The following PAPPA2 variants were observed in gnomAD, a reference collection of about 807,000 sequenced individuals.
PAPPA2 encodes the protein pappalysin 2, also known as pappalysin-2.
A neutral mutation model predicts 176.4 loss-of-function variants in PAPPA2; 86 were observed. That is an observed-to-expected ratio of 0.49 (90% CI 0.41 to 0.58). PAPPA2 has a LOEUF of 0.58. Among genes scored for constraint, PAPPA2 ranks in the 20% least tolerant of loss-of-function variants. PAPPA2 has a pLI of 0.00. For synonymous variants in PAPPA2, 809 were observed against 852.2 expected (o/e 0.95, Z 0.88); for missense variants, 2,073 against 2,256.9 (o/e 0.92, Z 1.65).
At chr1:176,791,545 AT>A (rs1425539989) in intron 19 of PAPPA2, 63 bp downstream of exon 19, 10 of 1,529,176 alleles carry the variant, frequency 6.5e-6, no homozygotes, top group East Asian at 4.6e-5. Flanking sequence ...GCACAGCTGA[AT>A]TTTTTTTAAT....
At chr1:176,560,438 G>A (rs1651598117) in intron 2 of PAPPA2, among the ~76,000 whole-genome samples, 1 of 152,190 alleles carries the variant, frequency 6.6e-6, no homozygotes, top group Admixed American at 6.5e-5. Context: ...GTGGTACCTG[G>A]GTCCCTGCAA....
At position 176,510,818 on chromosome 1, in the gene PAPPA2, C is replaced by T. The variant is rs866513611; in HGVS notation, c.-916-44589C>T. Among the ~76,000 whole-genome samples the T allele has an allele frequency of 5.9e-3, 882 of 149,270 alleles. 12 individuals carry two copies. Among genetic ancestry groups the T allele is most frequent in the Middle Eastern group, 0.021 (6 of 290 alleles). ...AAATTTAAAGCAACACATACACACA[C>T]ACACACACACACACACACACACACA... On this transcript the variant is annotated intron_variant, in intron 1 of 22. Coordinates refer to ENST00000367662, the MANE Select transcript of PAPPA2 (RefSeq NM_020318.3).
At chr1:176,538,769 G>T (rs1442175458) in intron 1 of PAPPA2, among the ~76,000 whole-genome samples, 1 of 152,072 alleles carries the variant, frequency 6.6e-6, no homozygotes, top group African/African-American at 2.4e-5. Flanking sequence ...ACAAATTCAA[G>T]CCACCTATAA....
At chr1:176,736,850 T>C (rs1167694258) in intron 12 of PAPPA2, among the ~76,000 whole-genome samples, 2 of 151,708 alleles carry the variant, frequency 1.3e-5, no homozygotes, top group Non-Finnish European at 2.9e-5. Context: ...AGAGATATAT[T>C]CTGTACCAAG....
intron 12 of PAPPA2, among the ~76,000 whole-genome samples, chr1:176,738,642 C>T (rs973218600): frequency 3.3e-5 from 5 of 152,080 alleles, no homozygotes; most frequent in Non-Finnish European, 7.4e-5. Flanking sequence ...AGATTCTGAT[C>T]ATACAACACC....
chr1:176,845,503 G>T lies in PAPPA2; in HGVS notation c.*3049G>T, dbSNP rs1190989876. 1 of 152,186 alleles carries T rather than the reference G, an allele frequency of 6.6e-6. No individual in the cohort carries two copies. The highest frequency in any genetic ancestry group is 2.4e-5 in the African/African-American group (1 of 41,456). The allele number at this position is 152,186 out of a possible 1,614,324, so 9.4% of individuals were successfully genotyped here. ...AGGGGATGGCTTGATTGGGAATGTA[G>T]TGAAAGGAGCTGATCTACTGTATTG... On this transcript the variant is annotated 3_prime_UTR_variant, in exon 23 of 23. Transcript: ENST00000367662.
intron 16 of PAPPA2, 78 bp from the exon 17 acceptor site, chr1:176,770,889 G>A (rs1168081593): frequency 2.1e-6 from 3 of 1,406,976 alleles, no homozygotes; most frequent in African/African-American, 2.9e-5. Flanking sequence ...AAGTTCAGAG[G>A]TTTTTATTTC....
intron 3 of PAPPA2, among the ~76,000 whole-genome samples, chr1:176,628,902 T>C (rs1656185454): frequency 6.6e-6 from 1 of 152,248 alleles, no homozygotes; most frequent in South Asian, 2.1e-4. Flanking sequence ...AGTTCTTTCA[T>C]GTTAAGAGTT....
intron 3 of PAPPA2, among the ~76,000 whole-genome samples, chr1:176,630,575 T>C (rs1389400472): frequency 6.6e-6 from 1 of 152,010 alleles, no homozygotes; most frequent in Admixed American, 6.6e-5. Context: ...AGGGGGGACA[T>C]TGTAGAGGTT....
At chr1:176,674,832 A>C (rs1161406378) in intron 4 of PAPPA2, among the ~76,000 whole-genome samples, 1 of 147,684 alleles carries the variant, frequency 6.8e-6, no homozygotes, top group East Asian at 2.0e-4. Flanking sequence ...ATCTACTTTT[A>C]GTTCTTAAGG....
At chr1:176,790,100 C>T (rs552533126) in intron 18 of PAPPA2, 123 bp downstream of exon 18, 19 of 1,132,988 alleles carry the variant, frequency 1.7e-5, no homozygotes, top group East Asian at 7.3e-5. Flanking sequence ...GGATTCTAAT[C>T]GGGAGTGTTG....
chr1:176,660,798 C>T (rs2102758178), intron 3 of PAPPA2, among the ~76,000 whole-genome samples: 1 of 152,154 alleles, frequency 6.6e-6, no homozygotes, highest in Non-Finnish European at 1.5e-5. Flanking sequence ...ATGATAGTTC[C>T]AGTAATTACT....
chr1:176,563,851 G>A lies in PAPPA2; in HGVS notation c.919+6610G>A, dbSNP rs998038127. On this transcript the variant is annotated intron_variant, in intron 2 of 22. Coordinates refer to ENST00000367662, the MANE Select transcript of PAPPA2 (RefSeq NM_020318.3). Reference sequence around the variant, plus strand: ...ACTGAGGCCACAGATCCCTGGGGTGGCATGGTTAAAGGCAGACCAGTTCCT... The same window carrying A: ...ACTGAGGCCACAGATCCCTGGGGTGACATGGTTAAAGGCAGACCAGTTCCT... Among the ~76,000 whole-genome samples the A allele has an allele frequency of 5.3e-5, 8 of 152,174 alleles. No homozygotes were observed. In the South Asian group the frequency reaches 1.2e-3, roughly 24 times the overall value.
chr1:176,725,734 T>A (rs1354064118), intron 12 of PAPPA2, among the ~76,000 whole-genome samples: 1 of 152,166 alleles, frequency 6.6e-6, no homozygotes, highest in Non-Finnish European at 1.5e-5. Flanking sequence ...ACGGGTTTAG[T>A]CATTTTAATC....
intron 1 of PAPPA2, among the ~76,000 whole-genome samples, chr1:176,506,710 A>C (rs1321445462): frequency 6.6e-6 from 1 of 152,124 alleles, no homozygotes; most frequent in Admixed American, 6.6e-5. Context: ...TTGTATCCTG[A>C]AATCTTGCTA....
chr1:176,510,964 A>G (rs1648568441), intron 1 of PAPPA2, among the ~76,000 whole-genome samples: 1 of 152,086 alleles, frequency 6.6e-6, no homozygotes, highest in Admixed American at 6.6e-5. Flanking sequence ...AAAAGAATTA[A>G]TGGGGCAAAT....
At chr1:176,642,463 T>C (rs1450085750) in intron 3 of PAPPA2, among the ~76,000 whole-genome samples, 2 of 151,806 alleles carry the variant, frequency 1.3e-5, no homozygotes, top group African/African-American at 4.8e-5. Context: ...AAACTACCAG[T>C]AGTTTGATGT....
chr1:176,788,797 G>C (rs1665050585), intron 17 of PAPPA2, among the ~76,000 whole-genome samples: 1 of 152,152 alleles, frequency 6.6e-6, no homozygotes, highest in Non-Finnish European at 1.5e-5. Flanking sequence ...CTCTTTCCAA[G>C]GAAAAATAAA....
At chr1:176,535,811 G>C (rs1332492197) in intron 1 of PAPPA2, among the ~76,000 whole-genome samples, 4 of 152,158 alleles carry the variant, frequency 2.6e-5, no homozygotes, top group Non-Finnish European at 5.9e-5. Flanking sequence ...ATTTTTGTGA[G>C]GAATATATGA....
Sources: allele counts gnomAD v4.1 joint callset (sites outside exome capture counted in the v4.1 genomes callset), GRCh38; gene constraint gnomAD v4.1.1; transcripts MANE v1.5; gene names NCBI Gene and HGNC (gene_info 2026-07-23, HGNC 2026-07-21).